The following IGF2BP3 variants were observed in gnomAD, a reference collection of about 807,000 sequenced individuals.
IGF2BP3 encodes insulin like growth factor 2 mRNA binding protein 3, also known as insulin-like growth factor 2 mRNA-binding protein 3.
A neutral mutation model predicts 73.8 loss-of-function variants in IGF2BP3; 9 were observed. The ratio of observed to expected loss-of-function variants is 0.12; its 90% CI spans 0.07 to 0.21. The LOEUF is 0.21. Among genes scored for constraint, IGF2BP3 ranks in the 10% least tolerant of loss-of-function variants. The probability of loss-of-function intolerance (pLI) is 1.00; values close to 1 mark genes in which losing one functional copy is unlikely to be tolerated. For missense variants in IGF2BP3, 542 were observed against 714.0 expected (o/e 0.76, Z 2.75); for synonymous variants, 258 against 256.7 (o/e 1.01, Z -0.05).
intron 3 of IGF2BP3, among the ~76,000 whole-genome samples, chr7:23,381,981 T>G (rs1785925703): frequency 6.6e-6 from 1 of 152,132 alleles, no homozygotes; most frequent in South Asian, 2.1e-4. Context: ...TGTGACCTGG[T>G]GCAGTGGCTC....
intron 2 of IGF2BP3, among the ~76,000 whole-genome samples, chr7:23,428,453 CAGAG>C (rs1044229379): frequency 2.6e-5 from 4 of 151,384 alleles, no homozygotes; most frequent in African/African-American, 9.7e-5. Flanking sequence ...GCCTGGGCGA[CAGAG>C]AGAGACTCCG....
At chr7:23,397,509 T>G (rs1786515016) in intron 3 of IGF2BP3, among the ~76,000 whole-genome samples, 1 of 152,202 alleles carries the variant, frequency 6.6e-6, no homozygotes. Flanking sequence ...ACATGCCTCC[T>G]TCTATCATCT....
At chr7:23,398,308 G>A (rs1305082769) in intron 3 of IGF2BP3, among the ~76,000 whole-genome samples, 6 of 152,250 alleles carry the variant, frequency 3.9e-5, no homozygotes, top group South Asian at 2.1e-4. Flanking sequence ...AATCCAGTCT[G>A]TCATTGTTGG....
At chr7:23,372,102 C>A (rs1182147322) in intron 3 of IGF2BP3, among the ~76,000 whole-genome samples, 2 of 150,172 alleles carry the variant, frequency 1.3e-5, no homozygotes, top group Non-Finnish European at 3.0e-5. Flanking sequence ...GAGATGGAGT[C>A]TCACTCTGTC....
intron 10 of IGF2BP3, among the ~76,000 whole-genome samples, chr7:23,323,405 C>T (rs1319784512): frequency 2.1e-5 from 3 of 144,836 alleles, no homozygotes; most frequent in Non-Finnish European, 4.5e-5. Flanking sequence ...TACAGGAGCA[C>T]CCAGATTCAT....
intron 6 of IGF2BP3, among the ~76,000 whole-genome samples, chr7:23,350,194 C>T (rs531791542): frequency 6.6e-6 from 1 of 152,318 alleles, no homozygotes; most frequent in South Asian, 2.1e-4. Context: ...CATGCATGTC[C>T]TCTTAGGCCT....
chr7:23,349,852 A>G (rs758784538), intron 6 of IGF2BP3, among the ~76,000 whole-genome samples: 5 of 152,216 alleles, frequency 3.3e-5, no homozygotes, highest in Non-Finnish European at 7.3e-5. Flanking sequence ...AATCTGCTAC[A>G]TGAGAAGGAA....
intron 2 of IGF2BP3, among the ~76,000 whole-genome samples, chr7:23,428,155 A>G: frequency 6.6e-6 from 1 of 151,628 alleles, no homozygotes; most frequent in East Asian, 2.0e-4. Flanking sequence ...CCGCCTTAAG[A>G]GACAGAGTGA....
intron 10 of IGF2BP3, among the ~76,000 whole-genome samples, chr7:23,332,135 G>A (rs1784461600): frequency 1.3e-5 from 2 of 152,262 alleles, no homozygotes; most frequent in African/African-American, 2.4e-5. Context: ...AATTCAAGAT[G>A]AGATTTGGGT....
intron 3 of IGF2BP3, among the ~76,000 whole-genome samples, chr7:23,417,506 T>C (rs1787225295): frequency 6.6e-6 from 1 of 152,184 alleles, no homozygotes; most frequent in South Asian, 2.1e-4. Context: ...AGATTATGAA[T>C]GAATTAAAAG....
At chr7:23,338,710 C>A (rs1445780719) in intron 10 of IGF2BP3, among the ~76,000 whole-genome samples, 2 of 152,162 alleles carry the variant, frequency 1.3e-5, no homozygotes, top group African/African-American at 4.8e-5. Context: ...CACCCCTACC[C>A]CCAGGGATTT....
chr7:23,460,201 A>AAAAAAAAAAAAAAAAAAAAAAAAC, intron 2 of IGF2BP3, among the ~76,000 whole-genome samples: 1 of 146,910 alleles, frequency 6.8e-6, no homozygotes, highest in Non-Finnish European at 1.5e-5. Context: ...AAAAAACAAA[A>AAAAAAAAAAAAAAAAAAAAAAAAC]ACGAAAGTGA....
chr7:23,324,010 C>A (rs865873909), intron 10 of IGF2BP3, among the ~76,000 whole-genome samples: 122 of 151,986 alleles, frequency 8.0e-4, no homozygotes, highest in African/African-American at 2.8e-3. Flanking sequence ...AATTAAAAGA[C>A]CTAGAAAAGC....
chr7:23,389,828 TAAA>T (rs748999337), intron 3 of IGF2BP3, among the ~76,000 whole-genome samples: 14 of 108,390 alleles, frequency 1.3e-4, no homozygotes, highest in Non-Finnish European at 1.9e-4. Context: ...ATCCCTTCTG[TAAA>T]AAAAAAAAAA....
intron 3 of IGF2BP3, among the ~76,000 whole-genome samples, chr7:23,400,893 G>A (rs768382943): frequency 2.0e-5 from 3 of 152,204 alleles, no homozygotes; most frequent in Non-Finnish European, 4.4e-5. Flanking sequence ...TCCACCTCCT[G>A]GGTTCAAGTA....
intron 2 of IGF2BP3, among the ~76,000 whole-genome samples, chr7:23,457,462 CAA>C (rs942055100): frequency 3.5e-5 from 5 of 144,850 alleles, no homozygotes; most frequent in African/African-American, 1.3e-4. Flanking sequence ...GACCCTGTTT[CAA>C]AAAAAAAAAA....
chr7:23,378,401 G>GTTTTTTTTTTTCTTT (rs373876363), intron 3 of IGF2BP3, among the ~76,000 whole-genome samples: 1 of 128,064 alleles, frequency 7.8e-6, no homozygotes, highest in Admixed American at 7.7e-5. Context: ...TCTCTTCTTG[G>GTTTTTTTTTTTCTTT]TTTTTTTTTG....
intron 3 of IGF2BP3, among the ~76,000 whole-genome samples, chr7:23,366,908 C>A (rs412566): frequency 0.049 from 7,417 of 151,114 alleles, 309 homozygotes; most frequent in South Asian, 0.11. Flanking sequence ...CAAGGCCTAT[C>A]AAATGGTATC....
rs13230298 is a variant in IGF2BP3, at chr7:23,443,138, T to C, written c.237-24314A>G. 2.2e-5 allele frequency among the ~76,000 whole-genome samples: 3 copies of C among 137,628 alleles called. No individual in the cohort carries two copies. In the East Asian group the frequency reaches 6.9e-4, roughly 32 times the overall value. 90.3% of individuals were successfully genotyped at this position (137,628 alleles called of 152,430 possible). On this transcript the variant is annotated intron_variant, in intron 2 of 14. Coordinates refer to ENST00000258729, the MANE Select transcript of IGF2BP3 (RefSeq NM_006547.3). ...TTTTTTTTTTTTTTTTTTGAGACTGTGTCTTGCTCTGTCACCCAGGCTGGT... is the reference window on the plus strand; with the variant it reads ...TTTTTTTTTTTTTTTTTTGAGACTGCGTCTTGCTCTGTCACCCAGGCTGGT...
Sources: gnomAD v4.1 joint callset for allele counts (sites outside exome capture counted in the v4.1 genomes callset) on GRCh38, gnomAD v4.1.1 for gene constraint, MANE v1.5 for transcripts, NCBI Gene and HGNC (gene_info 2026-07-23, HGNC 2026-07-21) for gene names.